TNIK: variants seen among roughly 807,000 people sequenced by gnomAD.
The protein encoded by TNIK is TRAF2 and NCK-interacting protein kinase.
A neutral mutation model predicts 191.3 loss-of-function variants in TNIK; 49 were observed. The observed-to-expected ratio is 0.26, with a 90% CI of 0.20 to 0.32. The LOEUF (loss-of-function observed/expected upper bound fraction) is 0.32, where lower values mean the gene tolerates loss of function less well. Ranked by LOEUF, TNIK falls within the 10% of genes least tolerant of loss-of-function variation. The pLI, the probability that TNIK is intolerant of heterozygous loss-of-function variation, is 1.00. For missense variants in TNIK, 1,155 were observed against 1,702.3 expected, an observed-to-expected ratio of 0.68 and a Z score of 5.66; for synonymous variants, 594 against 600.9, an observed-to-expected ratio of 0.99 and a Z score of 0.17.
intron 2 of TNIK, among the ~76,000 whole-genome samples, chr3:171,257,414 A>C (rs536464819): frequency 1.3e-5 from 2 of 152,338 alleles, no homozygotes; most frequent in East Asian, 1.9e-4. Context: ...ACCTCATCTG[A>C]GAATAACATC....
At chr3:171,164,572 G>A (rs1360499560) in intron 10 of TNIK, among the ~76,000 whole-genome samples, 1 of 152,226 alleles carries the variant, frequency 6.6e-6, no homozygotes, top group East Asian at 1.9e-4. Flanking sequence ...TCACATAACT[G>A]ATAAGGGGCA....
chr3:171,270,292 G>A (rs1292508685), intron 2 of TNIK, among the ~76,000 whole-genome samples: 1 of 152,162 alleles, frequency 6.6e-6, no homozygotes, highest in Non-Finnish European at 1.5e-5. Context: ...TGGTTACTAA[G>A]TTGGAGTGGA....
At chr3:171,204,448 A>G (rs1207923554) in intron 4 of TNIK, among the ~76,000 whole-genome samples, 1 of 152,248 alleles carries the variant, frequency 6.6e-6, no homozygotes, top group East Asian at 1.9e-4. Context: ...GGAATATTTC[A>G]TGTAGTCTGA....
chr3:171,144,251 G>A (rs928388846), intron 12 of TNIK, among the ~76,000 whole-genome samples: 8 of 151,878 alleles, frequency 5.3e-5, no homozygotes, highest in South Asian at 2.1e-4. Flanking sequence ...TTTTTTTTCC[G>A]GTGGGGAGAT....
chr3:171,244,470 C>T (rs1275146648), intron 2 of TNIK, among the ~76,000 whole-genome samples: 1 of 152,008 alleles, frequency 6.6e-6, no homozygotes, highest in African/African-American at 2.4e-5. Flanking sequence ...AACATACTCA[C>T]TTATTCTGGG....
rs752542182 is a variant in TNIK at position 171,139,536 on chromosome 3, T to C, written c.1353A>G (p.Leu451=). The C allele has an allele frequency of 1.2e-6, 2 of 1,613,740 alleles. No homozygotes were observed. The highest frequency in any genetic ancestry group is 1.7e-6 in the Non-Finnish European group (2 of 1,179,748). ...EHEQEYIRRQ[L]EEEQRQLEIL... is the part of the protein sequence containing the mutation. ...TCTCTAACTGTCTCTGCTCCTCCTC[T>C]AACTGTCGCCTGATGTATTCCTGGA... The change falls in exon 14 of 33, where the codon TTA becomes TTG. Residue 451 remains leucine (L), a synonymous_variant. Transcript: ENST00000436636.
chr3:171,180,182 C>T (rs35546590), intron 7 of TNIK, among the ~76,000 whole-genome samples: 9,358 of 152,228 alleles, frequency 0.061, 417 homozygotes, highest in Middle Eastern at 0.11. Flanking sequence ...GGAAAATGCT[C>T]GAAGGCCCAG....
intron 1 of TNIK, among the ~76,000 whole-genome samples, chr3:171,446,395 G>T (rs1442844207): frequency 6.6e-6 from 1 of 152,128 alleles, no homozygotes; most frequent in East Asian, 1.9e-4. Flanking sequence ...AGGTAGAAAT[G>T]ATGAAACCAT....
chr3:171,459,022 G>A (rs1283077745), intron 1 of TNIK, among the ~76,000 whole-genome samples: 3 of 152,084 alleles, frequency 2.0e-5, no homozygotes. Context: ...TTGGGGGTGG[G>A]GAAGCGTCGA....
intron 9 of TNIK, 100 bp from the exon 10 acceptor site, chr3:171,167,370 C>T (rs1159409958): frequency 7.0e-7 from 1 of 1,430,388 alleles, no homozygotes; most frequent in East Asian, 2.4e-5. Flanking sequence ...TTTTTAAGGT[C>T]CAATTGGCTG....
intron 2 of TNIK, among the ~76,000 whole-genome samples, chr3:171,241,840 A>G (rs948028737): frequency 6.6e-6 from 1 of 152,196 alleles, no homozygotes; most frequent in Non-Finnish European, 1.5e-5. Flanking sequence ...TGCAGCCATA[A>G]AAAAGGATGA....
intron 22 of TNIK, among the ~76,000 whole-genome samples, chr3:171,097,492 A>G (rs1560103945): frequency 6.6e-6 from 1 of 152,192 alleles, no homozygotes; most frequent in Non-Finnish European, 1.5e-5. Flanking sequence ...ATCCCACGAC[A>G]TGGGAGTGAC....
intron 26 of TNIK, 120 bp downstream of exon 26, chr3:171,084,035 A>G: frequency 7.6e-7 from 1 of 1,316,734 alleles, no homozygotes; most frequent in Non-Finnish European, 1.0e-6. Context: ...TTAGGTCTCT[A>G]ATACCCAGGA....
chr3:171,115,980 G>C (rs1024970047), intron 18 of TNIK, among the ~76,000 whole-genome samples: 4 of 152,186 alleles, frequency 2.6e-5, no homozygotes, highest in Non-Finnish European at 4.4e-5. Flanking sequence ...TCCCTGACCA[G>C]GGCCTCATTA....
chr3:171,194,493 G>A (rs780218448), intron 5 of TNIK, 32 bp downstream of exon 5: 2 of 1,580,478 alleles, frequency 1.3e-6, no homozygotes, highest in East Asian at 4.5e-5. Flanking sequence ...TGAAGACTTT[G>A]GGAGGTGGGC....
intron 2 of TNIK, among the ~76,000 whole-genome samples, chr3:171,229,965 C>T (rs10936675): frequency 0.058 from 8,789 of 152,170 alleles, 507 homozygotes; most frequent in East Asian, 0.32. Context: ...CCATGACCAC[C>T]GGCTGTGTCT....
chr3:171,310,223 G>C (rs1227905072), intron 2 of TNIK, among the ~76,000 whole-genome samples: 1 of 152,034 alleles, frequency 6.6e-6, no homozygotes, highest in Non-Finnish European at 1.5e-5. Context: ...CACAGTTGAA[G>C]CTATGGACTT....
rs1327904674 is a variant in TNIK at position 171,376,643 on chromosome 3, C to A, written c.58-6958G>T. 5.3e-5 allele frequency among the ~76,000 whole-genome samples: 8 copies of A among 152,088 alleles called. No homozygotes were observed. In the East Asian group the frequency reaches 1.5e-3, roughly 29 times the overall value. ...TTGATCCAGGAGATCTGGAATATAG[C>A]CCAGAAGCATATCTTCATTAACCTG... is the stretch of plus-strand genomic sequence containing the variant. On this transcript the variant is annotated intron_variant, in intron 1 of 32. Transcript: ENST00000436636.
intron 30 of TNIK, among the ~76,000 whole-genome samples, chr3:171,067,473 A>C (rs796228738): frequency 5.9e-5 from 9 of 152,128 alleles, no homozygotes; most frequent in African/African-American, 1.9e-4. Context: ...GATCGAGACC[A>C]TCCTGGCTAA....
Sources: allele counts gnomAD v4.1 joint callset (sites outside exome capture counted in the v4.1 genomes callset), GRCh38; gene constraint gnomAD v4.1.1; transcripts MANE v1.5; gene names NCBI Gene and HGNC (gene_info 2026-07-23, HGNC 2026-07-21).